DACH2: variants seen among roughly 807,000 people sequenced by gnomAD.
DACH2 encodes the protein dachshund family transcription factor 2.
In DACH2, 17 loss-of-function variants were observed where a neutral mutation model predicts 35.8. That is an observed-to-expected ratio of 0.48 (90% CI 0.33 to 0.71). The LOEUF (loss-of-function observed/expected upper bound fraction) is 0.71, where lower values mean the gene tolerates loss of function less well. DACH2 is among the 30% of genes least tolerant of loss of function. DACH2 has a pLI of 0.02. For synonymous variants in DACH2, 195 were observed against 177.3 expected (o/e 1.10, Z -0.79); for missense variants, 469 against 472.7 (o/e 0.99, Z 0.07).
At chrX:86,416,793 C>A (rs1362279984) in intron 2 of DACH2, among the ~76,000 whole-genome samples, 1 of 110,043 alleles carries the variant, frequency 9.1e-6, no homozygotes, top group Non-Finnish European at 1.9e-5. Context: ...TTGCCAGGGA[C>A]GTTTTAACAG....
intron 2 of DACH2, among the ~76,000 whole-genome samples, chrX:86,503,828 A>T (rs781585624): frequency 8.7e-4 from 97 of 111,975 alleles, no homozygotes; most frequent in African/African-American, 3.0e-3. Context: ...ACTAGAAGGA[A>T]ATAGGAAAAT....
chrX:86,160,274 C>T (rs1278673265), intron 1 of DACH2: 1 of 1,195,953 alleles, frequency 8.4e-7, no homozygotes. Flanking sequence ...GGTGACCTTG[C>T]CAGCTCCAGC....
chrX:86,424,252 T>C (rs1416102516), intron 2 of DACH2, among the ~76,000 whole-genome samples: 1 of 111,431 alleles, frequency 9.0e-6, no homozygotes, highest in African/African-American at 3.3e-5. Flanking sequence ...GGGATTTCAG[T>C]GAACCTGTAG....
At position 86,739,844 on chromosome X, in the gene DACH2, G is replaced by C; in HGVS notation, c.1202G>C (p.Ser401Thr). Reference protein sequence around the residue: ...TSSHTSSSVSSSPSQMDHHLE... With the variant: ...TSSHTSSSVSTSPSQMDHHLE... ...TCCCACACCAGCAGCAGTGTGTCCA[G>C]CTCTCCCTCTCAGATGGATCATCAT... is the stretch of plus-strand genomic sequence containing the variant. Residue 401 changes from serine (S) to threonine (T), a missense_variant, in exon 7 of 12, where the codon AGC becomes ACC. Transcript: ENST00000373125. 8.3e-7 allele frequency: 1 copy of C among 1,205,611 alleles called. No homozygotes were observed. The highest frequency in any genetic ancestry group is 1.1e-6 in the Non-Finnish European group (1 of 892,445).
chrX:86,335,560 G>A (rs1235967107), intron 1 of DACH2, among the ~76,000 whole-genome samples: 1 of 111,050 alleles, frequency 9.0e-6, no homozygotes, highest in Non-Finnish European at 1.9e-5. Context: ...GTCTGTTCTT[G>A]GTGTATAGGA....
intron 2 of DACH2, among the ~76,000 whole-genome samples, chrX:86,396,865 A>G (rs1445455328): frequency 6.3e-5 from 7 of 110,513 alleles, no homozygotes; most frequent in African/African-American, 2.3e-4. Flanking sequence ...TTGACTTGGC[A>G]ATGCGGGCTC....
At chrX:86,804,269 C>G (rs1330478982) in intron 7 of DACH2, among the ~76,000 whole-genome samples, 1 of 111,716 alleles carries the variant, frequency 9.0e-6, no homozygotes. Flanking sequence ...AAAGGAGAAG[C>G]AAGCCTGTCT....
chrX:86,355,980 A>G (rs1481710147), intron 1 of DACH2, among the ~76,000 whole-genome samples: 1 of 109,411 alleles, frequency 9.1e-6, no homozygotes, highest in Non-Finnish European at 1.9e-5. Context: ...CCCATTCTGT[A>G]GGTTGTTTAC....
chrX:86,293,621 G>A (rs1454808134), intron 1 of DACH2, among the ~76,000 whole-genome samples: 1 of 109,740 alleles, frequency 9.1e-6, no homozygotes, highest in Non-Finnish European at 1.9e-5. Flanking sequence ...CAGGCCTGGT[G>A]GTGACAAAAT....
intron 2 of DACH2, among the ~76,000 whole-genome samples, chrX:86,494,775 A>C: frequency 8.9e-6 from 1 of 112,525 alleles, no homozygotes; most frequent in East Asian, 2.8e-4. Flanking sequence ...ATGAAACTTA[A>C]AAACCAAAAT....
intron 2 of DACH2, among the ~76,000 whole-genome samples, chrX:86,483,823 C>A (rs779046210): frequency 1.1e-3 from 52 of 45,232 alleles, no homozygotes; most frequent in Non-Finnish European, 1.7e-3. Context: ...CATAGTGAGA[C>A]CTAGTCTCAA....
intron 1 of DACH2, among the ~76,000 whole-genome samples, chrX:86,242,148 T>C (rs1261073457): frequency 8.9e-6 from 1 of 112,060 alleles, no homozygotes; most frequent in Non-Finnish European, 1.9e-5. Flanking sequence ...GACCCCAGAA[T>C]TGTAGGTCCA....
At chrX:86,718,662 AAAGAT>A (rs1374274591) in intron 6 of DACH2, among the ~76,000 whole-genome samples, 12 of 111,946 alleles carry the variant, frequency 1.1e-4, no homozygotes. Flanking sequence ...GAATATGCTG[AAAGAT>A]AAGGGTCCAA....
chrX:86,429,836 T>C (rs2036957681), intron 2 of DACH2, among the ~76,000 whole-genome samples: 1 of 111,915 alleles, frequency 8.9e-6, no homozygotes, highest in Admixed American at 9.5e-5. Context: ...GTGCCAGGAG[T>C]ACAGGCATGA....
At chrX:86,775,623 A>T (rs1442222608) in intron 7 of DACH2, among the ~76,000 whole-genome samples, 1 of 111,664 alleles carries the variant, frequency 9.0e-6, no homozygotes, top group Non-Finnish European at 1.9e-5. Context: ...GACATGAATA[A>T]ATGTTCAGAG....
chrX:86,453,356 C>G (rs1349798818), intron 2 of DACH2, among the ~76,000 whole-genome samples: 1 of 111,928 alleles, frequency 8.9e-6, no homozygotes, highest in Non-Finnish European at 1.9e-5. Context: ...AGTTTAGGCC[C>G]TGAATATCTT....
intron 3 of DACH2, among the ~76,000 whole-genome samples, chrX:86,648,763 C>T (rs764794127): frequency 9.1e-6 from 1 of 110,213 alleles, no homozygotes; most frequent in South Asian, 3.8e-4. Context: ...TCAATTGTAC[C>T]TCTGTAAAGT....
intron 6 of DACH2, among the ~76,000 whole-genome samples, chrX:86,731,402 A>T (rs1005437348): frequency 9.0e-6 from 1 of 111,648 alleles, no homozygotes; most frequent in African/African-American, 3.2e-5. Flanking sequence ...TGTACTACAT[A>T]TGAAATGGGT....
At chrX:86,482,025 C>G (rs1216514301) in intron 2 of DACH2, among the ~76,000 whole-genome samples, 1 of 111,781 alleles carries the variant, frequency 8.9e-6, no homozygotes, top group African/African-American at 3.2e-5. Context: ...AAATCATGAT[C>G]AACTGGTAAA....
Sources: gnomAD v4.1 joint callset for allele counts (sites outside exome capture counted in the v4.1 genomes callset) on GRCh38, gnomAD v4.1.1 for gene constraint, MANE v1.5 for transcripts, NCBI Gene and HGNC (gene_info 2026-07-23, HGNC 2026-07-21) for gene names.